Variants in VWA3B observed in about 807,000 individuals in gnomAD.
VWA3B encodes the protein von Willebrand factor A domain-containing protein 3B.
VWA3B carries 138 observed loss-of-function variants against 158.3 expected under a neutral mutation model. The ratio of observed to expected loss-of-function variants is 0.87; its 90% CI spans 0.76 to 1.00. The LOEUF (loss-of-function observed/expected upper bound fraction) is 1.00, where lower values mean the gene tolerates loss of function less well. Among genes scored for constraint, VWA3B ranks in the 50% least tolerant of loss-of-function variants. VWA3B has a pLI of 0.00. For synonymous variants in VWA3B, 596 were observed against 587.3 expected (o/e 1.01, Z -0.21); for missense variants, 1,555 against 1,565.1 (o/e 0.99, Z 0.11).
rs557638008 is a variant in VWA3B, at chr2:98,198,770, A to G, written c.1737+4278A>G. Among the ~76,000 whole-genome samples the G allele has an allele frequency of 2.0e-5, 3 of 152,238 alleles. No individual in the cohort carries two copies. In the South Asian group the frequency reaches 6.2e-4, roughly 32 times the overall value. On this transcript the variant is annotated intron_variant, in intron 12 of 27. Coordinates refer to ENST00000477737, the MANE Select transcript of VWA3B (RefSeq NM_144992.5). Reference sequence around the variant, plus strand: ...GAATGTCATATAAACAAAATCATACAATAGAACTTTTGGGTTCTAGCTTCT... The same window carrying G: ...GAATGTCATATAAACAAAATCATACGATAGAACTTTTGGGTTCTAGCTTCT...
At chr2:98,301,631 A>G (rs1305277020) in intron 25 of VWA3B, among the ~76,000 whole-genome samples, 1 of 152,168 alleles carries the variant, frequency 6.6e-6, no homozygotes, top group Non-Finnish European at 1.5e-5. Flanking sequence ...GCGAGTGGGA[A>G]TGACTCGGTT....
At chr2:98,248,114 T>C (rs1197521757) in intron 19 of VWA3B, among the ~76,000 whole-genome samples, 2 of 152,114 alleles carry the variant, frequency 1.3e-5, no homozygotes, top group East Asian at 1.9e-4. Context: ...TTCTGGTTTT[T>C]TTTCCCATCC....
At chr2:98,132,034 C>T (rs1261593225) in intron 6 of VWA3B, among the ~76,000 whole-genome samples, 3 of 152,108 alleles carry the variant, frequency 2.0e-5, no homozygotes, top group Admixed American at 6.5e-5. Context: ...CCTGTGACCT[C>T]GCTAGTTGAA....
At chr2:98,098,729 G>C (rs1056296484) in intron 2 of VWA3B, among the ~76,000 whole-genome samples, 7 of 152,092 alleles carry the variant, frequency 4.6e-5, no homozygotes, top group African/African-American at 1.7e-4. Context: ...TGATAAGTAA[G>C]AACTTACTGC....
chr2:98,252,521 C>T (rs939501523), intron 20 of VWA3B, among the ~76,000 whole-genome samples: 10 of 152,082 alleles, frequency 6.6e-5, no homozygotes, highest in African/African-American at 2.2e-4. Flanking sequence ...GGTTCTGACA[C>T]CAGCTCTGTT....
intron 13 of VWA3B, among the ~76,000 whole-genome samples, chr2:98,213,570 G>A (rs1477325951): frequency 1.3e-5 from 2 of 152,218 alleles, no homozygotes; most frequent in Non-Finnish European, 2.9e-5. Context: ...GAAGGTAGGA[G>A]CAAGGCAGAA....
chr2:98,198,597 G>A (rs896571377), intron 12 of VWA3B, among the ~76,000 whole-genome samples: 2 of 151,770 alleles, frequency 1.3e-5, no homozygotes, highest in African/African-American at 4.8e-5. Flanking sequence ...TTTGATAAAT[G>A]CATAGAGTCA....
chr2:98,104,124 A>G lies in VWA3B; in HGVS notation c.196+10836A>G, dbSNP rs80124018. On this transcript the variant is annotated intron_variant, in intron 2 of 27. Transcript: ENST00000477737. ...AAAGAGGGCTTCTCATGGACAGCAT[A>G]TAGTTGGAGTTGGTGTTTTTAATGC... 4.8e-3 allele frequency among the ~76,000 whole-genome samples: 733 copies of G among 152,328 alleles called. 15 individuals are homozygous for G. The East Asian group carries it at 0.084, about 18-fold the overall frequency.
At chr2:98,138,974 G>C (rs1676505350) in intron 7 of VWA3B, among the ~76,000 whole-genome samples, 1 of 152,222 alleles carries the variant, frequency 6.6e-6, no homozygotes, top group South Asian at 2.1e-4. Context: ...GCCGGAGTCG[G>C]CTCCCTCAGC....
intron 13 of VWA3B, among the ~76,000 whole-genome samples, chr2:98,214,070 A>G (rs1683768260): frequency 6.6e-6 from 1 of 152,148 alleles, no homozygotes. Flanking sequence ...GTGCACCTGT[A>G]GTCCTAGCTA....
rs1379841399 is a variant in VWA3B at position 98,247,172 on chromosome 2, AT to A, written c.2674-3141del. 4.0e-5 allele frequency among the ~76,000 whole-genome samples: 6 copies of A among 151,622 alleles called. No individual in the cohort carries two copies. In the East Asian group the frequency reaches 1.2e-3, roughly 29 times the overall value. Reference sequence around the variant, plus strand: ...GCCACCTCCCCCAGCTAATTTTTGTATTTTTAGTAGAGACGGGGTTTCACCA... The same window carrying A: ...GCCACCTCCCCCAGCTAATTTTTGTATTTTAGTAGAGACGGGGTTTCACCA... On this transcript the variant is annotated intron_variant, in intron 19 of 27. Transcript: ENST00000477737.
intron 3 of VWA3B, 119 bp from the exon 4 acceptor site, chr2:98,119,394 A>G: frequency 2.7e-6 from 3 of 1,113,654 alleles, no homozygotes; most frequent in Non-Finnish European, 3.8e-6. Context: ...TGGATTCTGT[A>G]GTGTTTGGAG....
chr2:98,139,375 C>T (rs1167589048), intron 7 of VWA3B, among the ~76,000 whole-genome samples: 1 of 152,254 alleles, frequency 6.6e-6, no homozygotes, highest in African/African-American at 2.4e-5. Flanking sequence ...CACCCAAGCG[C>T]TGAGGAGTGC....
intron 12 of VWA3B, chr2:98,206,745 C>CA (rs1384306449): frequency 6.1e-6 from 2 of 328,776 alleles, no homozygotes; most frequent in African/African-American, 4.3e-5. Flanking sequence ...CCAAGAGTGG[C>CA]AAAATTGGGC....
chr2:98,114,330 A>C (rs1051803569), intron 2 of VWA3B, among the ~76,000 whole-genome samples: 7 of 152,230 alleles, frequency 4.6e-5, no homozygotes, highest in Admixed American at 4.6e-4. Context: ...CACTTCATCA[A>C]TGTCAGCTAA....
chr2:98,126,691 A>C (rs940594996), intron 5 of VWA3B, among the ~76,000 whole-genome samples: 3 of 152,152 alleles, frequency 2.0e-5, no homozygotes, highest in Non-Finnish European at 4.4e-5. Context: ...GACTTGTATA[A>C]ATTTACAATA....
chr2:98,256,204 T>TG, intron 21 of VWA3B, 30 bp downstream of exon 21: 1 of 1,606,034 alleles, frequency 6.2e-7, no homozygotes, highest in South Asian at 1.1e-5. Flanking sequence ...CCTCACTTTT[T>TG]TTTTTTGGTG....
At chr2:98,096,920 C>T (rs1682755117) in intron 2 of VWA3B, among the ~76,000 whole-genome samples, 1 of 151,830 alleles carries the variant, frequency 6.6e-6, no homozygotes, top group African/African-American at 2.4e-5. Context: ...GCTCTGATCG[C>T]TAAGGTAAGG....
intron 19 of VWA3B, among the ~76,000 whole-genome samples, chr2:98,248,869 TTCTTTCTTTCTTTCTC>T (rs879640774): frequency 0.24 from 7,583 of 32,094 alleles, 409 homozygotes; most frequent in South Asian, 0.47. Context: ...CTTTCTTTCT[TTCTTTCTTTCTTTCTC>T]TCTTTCCTTT....
Sources: gnomAD v4.1 joint callset for allele counts (sites outside exome capture counted in the v4.1 genomes callset) on GRCh38, gnomAD v4.1.1 for gene constraint, MANE v1.5 for transcripts, NCBI Gene and HGNC (gene_info 2026-07-23, HGNC 2026-07-21) for gene names.